Variants in GRIK3 observed in about 807,000 individuals in gnomAD.
GRIK3 encodes glutamate ionotropic receptor kainate type subunit 3, also known as glutamate receptor ionotropic, kainate 3.
GRIK3 carries 29 observed loss-of-function variants against 102.5 expected under a neutral mutation model. The ratio of observed to expected loss-of-function variants is 0.28; its 90% CI spans 0.21 to 0.39. The LOEUF (loss-of-function observed/expected upper bound fraction) is 0.39. Among genes scored for constraint, GRIK3 ranks in the 10% least tolerant of loss-of-function variants. The pLI, the probability that GRIK3 is intolerant of heterozygous loss-of-function variation, is 1.00. For missense variants in GRIK3, 908 were observed against 1,252.4 expected, an observed-to-expected ratio of 0.73 and a Z score of 4.15; for synonymous variants, 511 against 504.9, an observed-to-expected ratio of 1.01 and a Z score of -0.16.
chr1:36,808,635 C>A (rs933941098), intron 13 of GRIK3, among the ~76,000 whole-genome samples: 1 of 152,172 alleles, frequency 6.6e-6, no homozygotes, highest in Non-Finnish European at 1.5e-5. Flanking sequence ...GGAGAACATG[C>A]CTTGAAATGA....
At chr1:36,951,151 C>G (rs1434694268) in intron 1 of GRIK3, among the ~76,000 whole-genome samples, 1 of 152,240 alleles carries the variant, frequency 6.6e-6, no homozygotes, top group Non-Finnish European at 1.5e-5. Context: ...TCAGTGTCAC[C>G]TGCTGCAGAA....
intron 1 of GRIK3, among the ~76,000 whole-genome samples, chr1:36,950,816 C>T (rs998704212): frequency 2.6e-5 from 4 of 152,210 alleles, no homozygotes; most frequent in African/African-American, 7.2e-5. Flanking sequence ...GAGCTGATCT[C>T]GTGAGTGATC....
chr1:36,865,382 T>C (rs755724949), intron 5 of GRIK3, among the ~76,000 whole-genome samples: 2 of 152,130 alleles, frequency 1.3e-5, no homozygotes, highest in African/African-American at 4.8e-5. Flanking sequence ...GTGGGTTTCC[T>C]AAAGGGAAGG....
At position 36,880,979 on chromosome 1, in the gene GRIK3, G is replaced by A; in HGVS notation, c.293-88C>T. The A allele has an allele frequency of 7.1e-7, 1 of 1,406,162 alleles. No homozygotes were observed. The highest frequency in any genetic ancestry group is 9.6e-7 in the Non-Finnish European group (1 of 1,042,200). The allele number at this position is 1,406,162 out of a possible 1,614,324, so 87.1% of individuals were successfully genotyped here. A position where few individuals can be genotyped will look rare whatever the true frequency, so the allele number is the denominator to read the frequency against. On this transcript the variant is annotated intron_variant, in intron 2 of 15. Coordinates refer to ENST00000373091, the MANE Select transcript of GRIK3 (RefSeq NM_000831.4). The surrounding 1 kb of genome is among the most constrained non-coding windows in gnomAD (Gnocchi z 5.4). ...TGCTGATGATCCTGTAAACATGTGG[G>A]AAAAACAGCAACTGGAACCCTCGGT... is the stretch of plus-strand genomic sequence containing the variant.
chr1:37,004,935 C>T (rs189894429), intron 1 of GRIK3, among the ~76,000 whole-genome samples: 5 of 152,362 alleles, frequency 3.3e-5, no homozygotes, highest in Admixed American at 1.3e-4. Flanking sequence ...CCATCAACGG[C>T]CCCAGTTGGC....
chr1:36,927,665 G>C (rs989374854), intron 1 of GRIK3, among the ~76,000 whole-genome samples: 1 of 152,180 alleles, frequency 6.6e-6, no homozygotes, highest in African/African-American at 2.4e-5. Flanking sequence ...AGGCAAGAAC[G>C]AAGAGGGTCA....
intron 11 of GRIK3, among the ~76,000 whole-genome samples, 162 bp downstream of exon 11, chr1:36,825,441 G>A (rs1206419670): frequency 6.6e-6 from 1 of 152,174 alleles, no homozygotes; most frequent in Non-Finnish European, 1.5e-5. Flanking sequence ...AATGTTCCTT[G>A]AGGGATACAA....
At chr1:36,851,254 T>C (rs1029062205) in intron 8 of GRIK3, among the ~76,000 whole-genome samples, 7 of 152,242 alleles carry the variant, frequency 4.6e-5, no homozygotes, top group Non-Finnish European at 7.3e-5. Flanking sequence ...CATGTAATTA[T>C]GCTTGGGTAA....
intron 1 of GRIK3, among the ~76,000 whole-genome samples, chr1:37,029,389 T>G (rs759508642): frequency 3.3e-5 from 5 of 152,162 alleles, no homozygotes; most frequent in African/African-American, 7.2e-5. Flanking sequence ...TGCTGCCCAG[T>G]GGAGTGAAGC....
intron 1 of GRIK3, among the ~76,000 whole-genome samples, chr1:36,927,038 G>C (rs1189170673): frequency 6.6e-6 from 1 of 152,196 alleles, no homozygotes; most frequent in African/African-American, 2.4e-5. Context: ...GCTAAGCAAG[G>C]AAAACATACA....
chr1:36,843,610 C>A (rs773840413), intron 9 of GRIK3, among the ~76,000 whole-genome samples: 11 of 152,186 alleles, frequency 7.2e-5, no homozygotes, highest in Non-Finnish European at 1.6e-4. Context: ...AGTTAATCTG[C>A]TTTTCCAGAT....
At chr1:36,804,371 A>G (rs1361841694) in intron 15 of GRIK3, among the ~76,000 whole-genome samples, 1 of 152,160 alleles carries the variant, frequency 6.6e-6, no homozygotes, top group Non-Finnish European at 1.5e-5. Context: ...AGTCTCTGGG[A>G]GTGAGTCCAG....
chr1:36,983,351 C>G lies in GRIK3; in HGVS notation c.115+50643G>C, dbSNP rs140342698. ...CACACACTCCCACACGCATGTTCTACTCACATACCTGCAGGTACACACGGC... is the reference window on the plus strand; with the variant it reads ...CACACACTCCCACACGCATGTTCTAGTCACATACCTGCAGGTACACACGGC... On this transcript the variant is annotated intron_variant, in intron 1 of 15. Coordinates refer to ENST00000373091, the MANE Select transcript of GRIK3 (RefSeq NM_000831.4). 8.7e-3 allele frequency among the ~76,000 whole-genome samples: 1,328 copies of G among 152,298 alleles called. 13 individuals carry two copies. Among genetic ancestry groups the G allele is most frequent in the Admixed American group, 0.018 (280 of 15,302 alleles).
At chr1:37,005,205 C>T (rs925957355) in intron 1 of GRIK3, among the ~76,000 whole-genome samples, 8 of 152,216 alleles carry the variant, frequency 5.3e-5, no homozygotes, top group Non-Finnish European at 1.2e-4. Flanking sequence ...TGGGTCCCCA[C>T]CTGATGCCAG....
chr1:36,807,808 C>T (rs1642516871), intron 13 of GRIK3, among the ~76,000 whole-genome samples: 1 of 152,126 alleles, frequency 6.6e-6, no homozygotes, highest in Non-Finnish European at 1.5e-5. Context: ...CTTCTTTGGG[C>T]ACAGGGCTGG....
At chr1:37,031,738 G>A (rs1446230312) in intron 1 of GRIK3, among the ~76,000 whole-genome samples, 1 of 152,246 alleles carries the variant, frequency 6.6e-6, no homozygotes, top group Non-Finnish European at 1.5e-5. Flanking sequence ...AGAGGGCACT[G>A]GGCCCAGCCA....
intron 1 of GRIK3, among the ~76,000 whole-genome samples, chr1:36,978,515 T>A (rs1642217616): frequency 6.6e-6 from 1 of 152,236 alleles, no homozygotes; most frequent in African/African-American, 2.4e-5. Context: ...GCAATAAGCA[T>A]TTGCTATTGC....
At chr1:37,006,123 A>G (rs186111210) in intron 1 of GRIK3, among the ~76,000 whole-genome samples, 1 of 152,232 alleles carries the variant, frequency 6.6e-6, no homozygotes, top group East Asian at 1.9e-4. Context: ...GGTGCTGGGA[A>G]GCCTCCTCCT....
At chr1:37,027,062 T>A (rs1642771479) in intron 1 of GRIK3, among the ~76,000 whole-genome samples, 1 of 152,026 alleles carries the variant, frequency 6.6e-6, no homozygotes, top group South Asian at 2.1e-4. Flanking sequence ...AGAGAAAGCC[T>A]AGATACCGAC....
Sources: gnomAD v4.1 joint callset for allele counts (sites outside exome capture counted in the v4.1 genomes callset) on GRCh38, gnomAD v4.1.1 for gene constraint, Gnocchi (gnomAD v3.1) non-coding constraint, MANE v1.5 for transcripts, NCBI Gene and HGNC (gene_info 2026-07-23, HGNC 2026-07-21) for gene names.